ZRANB1: variants seen among roughly 807,000 people sequenced by gnomAD.
ZRANB1 encodes ubiquitin thioesterase ZRANB1.
ZRANB1 carries 16 observed loss-of-function variants against 80.5 expected under a neutral mutation model. The observed-to-expected ratio is 0.20, with a 90% CI of 0.13 to 0.30. ZRANB1 has a LOEUF of 0.30. Among genes scored for constraint, ZRANB1 ranks in the 10% least tolerant of loss-of-function variants. The pLI is 1.00. For missense variants in ZRANB1, 576 were observed against 862.6 expected (o/e 0.67, Z 4.16); for synonymous variants, 291 against 293.1 (o/e 0.99, Z 0.07).
chr10:124,967,491 G>T (rs1355391458), intron 2 of ZRANB1, among the ~76,000 whole-genome samples: 1 of 152,220 alleles, frequency 6.6e-6, no homozygotes, highest in Non-Finnish European at 1.5e-5. Context: ...AGGATCTTCT[G>T]TGTCAAGGAA....
intron 1 of ZRANB1, among the ~76,000 whole-genome samples, chr10:124,953,893 G>A (rs1348928653): frequency 2.0e-5 from 3 of 151,890 alleles, no homozygotes; most frequent in African/African-American, 7.3e-5. Flanking sequence ...CTGATTGTAT[G>A]CTGATGCCAA....
chr10:124,984,758 C>T lies in ZRANB1; in HGVS notation c.1909-16C>T. ...TGTTGTATGATTTTCCCTTTGTCTT[C>T]ATATTCCTCCAAAAGCTAGGTAATG... On this transcript the variant is annotated splice_polypyrimidine_tract_variant and intron_variant, in intron 8 of 8. Transcript: ENST00000359653. 6.2e-7 allele frequency: 1 copy of T among 1,610,302 alleles called. No individual in the cohort carries two copies. Among genetic ancestry groups the T allele is most frequent in the Non-Finnish European group, 8.5e-7 (1 of 1,177,570 alleles).
chr10:124,942,935 A>G lies in ZRANB1; in HGVS notation c.442A>G (p.Thr148Ala), dbSNP rs746870700. ...ATACAATGATAGAAATAAACTGAAC[A>G]CTAGGACACAGCACTGGACTTGCTC... ...EEYNDRNKLN[T>A]RTQHWTCSVC... Residue 148 changes from threonine (T) to alanine (A), a missense_variant, in exon 1 of 9, where the codon ACT (threonine) becomes GCT (alanine). By Grantham distance (58) the Thr-to-Ala change is moderately conservative (BLOSUM62 0). Transcript: ENST00000359653. 1 of 1,614,244 alleles carries G rather than the reference A, an allele frequency of 6.2e-7. No individual in the cohort carries two copies. The highest frequency in any genetic ancestry group is 8.5e-7 in the Non-Finnish European group (1 of 1,180,038).
chr10:124,932,920 G>T, the ZRANB1 span, among the ~76,000 whole-genome samples: 1 of 151,936 alleles, frequency 6.6e-6, no homozygotes, highest in Non-Finnish European at 1.5e-5. Context: ...ATATTCTTCG[G>T]TGAGGTGTCT....
the ZRANB1 span, among the ~76,000 whole-genome samples, chr10:124,920,465 G>T: frequency 2.0e-5 from 3 of 152,126 alleles, no homozygotes; most frequent in South Asian, 4.1e-4. Flanking sequence ...AAGCTTCTTG[G>T]TGTGGTGTTC....
At chr10:124,954,772 A>G (rs1766368598) in intron 1 of ZRANB1, among the ~76,000 whole-genome samples, 1 of 150,972 alleles carries the variant, frequency 6.6e-6, no homozygotes, top group South Asian at 2.1e-4. Context: ...ACATTGTTTT[A>G]CATATGAATG....
intron 5 of ZRANB1, among the ~76,000 whole-genome samples, chr10:124,979,286 T>A (rs1433967990): frequency 1.3e-5 from 2 of 152,254 alleles, no homozygotes; most frequent in Non-Finnish European, 2.9e-5. Context: ...TATTTAATGA[T>A]GATACTGAGT....
At chr10:124,984,543 G>A (rs2134005312) in intron 8 of ZRANB1, 2 of 521,474 alleles carry the variant, frequency 3.8e-6, no homozygotes, top group South Asian at 3.0e-5. Flanking sequence ...CCTCTAGTGT[G>A]CTCCTCTTTA....
chr10:124,973,909 T>G (rs1379259932), intron 4 of ZRANB1, among the ~76,000 whole-genome samples, 193 bp downstream of exon 4: 2 of 152,210 alleles, frequency 1.3e-5, no homozygotes, highest in African/African-American at 2.4e-5. Flanking sequence ...GATACAAAAA[T>G]TTTAAAACCT....
intron 1 of ZRANB1, among the ~76,000 whole-genome samples, chr10:124,959,710 T>C (rs1951716109): frequency 6.6e-6 from 1 of 152,196 alleles, no homozygotes; most frequent in African/African-American, 2.4e-5. Context: ...TCTGCCCTCC[T>C]TGGGCTTCCA....
intron 3 of ZRANB1, among the ~76,000 whole-genome samples, chr10:124,973,321 T>G (rs959602410): frequency 1.3e-5 from 2 of 151,968 alleles, no homozygotes; most frequent in Non-Finnish European, 2.9e-5. Flanking sequence ...TCTGATTAAT[T>G]TTTGTATATT....
At chr10:124,936,530 G>T in the ZRANB1 span, among the ~76,000 whole-genome samples, 11 of 152,280 alleles carry the variant, frequency 7.2e-5, no homozygotes, top group African/African-American at 2.6e-4. Context: ...TGATAACCTG[G>T]TGAAGCCCTG....
intron 1 of ZRANB1, among the ~76,000 whole-genome samples, chr10:124,956,755 A>G (rs558014440): frequency 6.6e-6 from 1 of 152,356 alleles, no homozygotes; most frequent in East Asian, 1.9e-4. Flanking sequence ...TACAGGCATG[A>G]ACCACCATGC....
chr10:124,963,566 T>G (rs11245447), intron 1 of ZRANB1, among the ~76,000 whole-genome samples: 17,171 of 134,036 alleles, frequency 0.13, 681 homozygotes, highest in African/African-American at 0.19. Flanking sequence ...TTTTTTTTTT[T>G]TTTTTTTTTT....
rs1237309192 is a variant in ZRANB1, at chr10:124,986,725, G to A, written c.*1733G>A. On this transcript the variant is annotated 3_prime_UTR_variant, in exon 9 of 9. Transcript: ENST00000359653. ...AAAATGTTAGCATTCTGACTACTTA[G>A]CATCTGTAGTAATTTCTCTATGTAT... 6.6e-6 allele frequency: 1 copy of A among 152,146 alleles called. No homozygotes were observed. The highest frequency in any genetic ancestry group is 1.5e-5 in the Non-Finnish European group (1 of 68,022). The allele number at this position is 152,146 out of a possible 1,614,324, so 9.4% of individuals were successfully genotyped here. A position where few individuals can be genotyped will look rare whatever the true frequency, so the allele number is the denominator to read the frequency against.
chr10:124,926,465 A>G, the ZRANB1 span, among the ~76,000 whole-genome samples: 1 of 152,242 alleles, frequency 6.6e-6, no homozygotes, highest in Non-Finnish European at 1.5e-5. Context: ...GCTTAGGCCT[A>G]CACAGGGCCA....
chr10:124,921,343 G>C, the ZRANB1 span, among the ~76,000 whole-genome samples: 4 of 152,188 alleles, frequency 2.6e-5, no homozygotes, highest in Non-Finnish European at 5.9e-5. Context: ...TGAGACAGGA[G>C]AATATGTGAT....
the ZRANB1 span, among the ~76,000 whole-genome samples, chr10:124,917,942 A>G: frequency 3.9e-5 from 6 of 152,152 alleles, no homozygotes; most frequent in Admixed American, 6.5e-5. Context: ...CATTAAGCGC[A>G]AGGGACAGGC....
rs760112460 is a variant in ZRANB1, at chr10:124,973,676, A to G, written c.1188A>G (p.Glu396=). Residue 396 remains glutamate (E), a synonymous_variant, in exon 4 of 9, where the codon GAA becomes GAG. Coordinates refer to ENST00000359653, the MANE Select transcript of ZRANB1 (RefSeq NM_017580.3). ...DIEDLPPTVQ[E]KLFDEVLDRD... ...AAGATTTGCCCCCAACAGTCCAAGA[A>G]AAATTATTTGATGAGGTGCTTGATA... is the stretch of plus-strand genomic sequence containing the variant. The G allele has an allele frequency of 6.2e-7, 1 of 1,612,918 alleles. No homozygotes were observed. Among genetic ancestry groups the G allele is most frequent in the East Asian group, 2.2e-5 (1 of 44,778 alleles).
Sources: gnomAD v4.1 joint callset for allele counts (sites outside exome capture counted in the v4.1 genomes callset) on GRCh38, gnomAD v4.1.1 for gene constraint, MANE v1.5 for transcripts, NCBI Gene and HGNC (gene_info 2026-07-23, HGNC 2026-07-21) for gene names.